Variants in CALCR observed in about 807,000 individuals in gnomAD.
The protein encoded by CALCR is calcitonin receptor.
Under a neutral mutation model 59.5 loss-of-function variants are expected in CALCR, and 47 were observed. That is an observed-to-expected ratio of 0.79 (90% CI 0.63 to 1.01). The LOEUF is 1.01. Ranked by LOEUF, CALCR falls within the 50% of genes least tolerant of loss-of-function variation. The pLI, the probability that CALCR is intolerant of heterozygous loss-of-function variation, is 0.00. For synonymous variants in CALCR, 213 were observed against 211.3 expected (o/e 1.01, Z -0.07); for missense variants, 566 against 597.1 (o/e 0.95, Z 0.54).
chr7:93,500,365 T>C (rs1271227527), intron 2 of CALCR, among the ~76,000 whole-genome samples: 1 of 151,912 alleles, frequency 6.6e-6, no homozygotes, highest in African/African-American at 2.4e-5. Context: ...AGAAAGAAAG[T>C]GCTTAGACTT....
chr7:93,572,794 A>G (rs1386383053), intron 2 of CALCR, among the ~76,000 whole-genome samples: 2 of 152,344 alleles, frequency 1.3e-5, no homozygotes, highest in East Asian at 3.8e-4. Context: ...GAGAATCATG[A>G]AACAAAACAA....
chr7:93,555,390 A>G (rs909676131), intron 2 of CALCR, among the ~76,000 whole-genome samples: 3 of 152,106 alleles, frequency 2.0e-5, no homozygotes, highest in African/African-American at 7.2e-5. Flanking sequence ...TTACTCTCAA[A>G]CTAGCTATGG....
chr7:93,568,019 A>G (rs906399687), intron 2 of CALCR, among the ~76,000 whole-genome samples: 1 of 152,220 alleles, frequency 6.6e-6, no homozygotes. Flanking sequence ...TAAAGAGATT[A>G]AGAAAATTAT....
chr7:93,500,065 T>C (rs941230386), intron 2 of CALCR, among the ~76,000 whole-genome samples: 12 of 151,882 alleles, frequency 7.9e-5, no homozygotes, highest in Admixed American at 3.3e-4. Flanking sequence ...ACTCTATAGA[T>C]GAGCAAAAGA....
intron 2 of CALCR, among the ~76,000 whole-genome samples, chr7:93,551,767 T>G (rs1789467141): frequency 6.6e-6 from 1 of 152,170 alleles, no homozygotes; most frequent in East Asian, 1.9e-4. Context: ...GGAGTCAAAT[T>G]CTGCAGTATT....
In CALCR at chr7:93,494,704, A is replaced by G. The variant is rs184615014; in HGVS notation, c.-26-7697T>C. Among the ~76,000 whole-genome samples the G allele has an allele frequency of 2.6e-4, 39 of 151,504 alleles. No homozygotes were observed. In the East Asian group the frequency reaches 7.4e-3, roughly 29 times the overall value. On this transcript the variant is annotated intron_variant, in intron 2 of 13. Coordinates refer to ENST00000426151, the MANE Select transcript of CALCR (RefSeq NM_001742.4). ...ATGGTTTTTTGAAAAAAAGCACTTT[A>G]TGGTGACTCCTGAGGAGGGGAGAAG...
intron 8 of CALCR, among the ~76,000 whole-genome samples, chr7:93,449,974 T>G (rs1424216729): frequency 6.6e-6 from 1 of 152,022 alleles, no homozygotes; most frequent in East Asian, 1.9e-4. Context: ...CGCTATGGTC[T>G]TCAGACTGGG....
At chr7:93,515,911 T>C (rs561145633) in intron 2 of CALCR, among the ~76,000 whole-genome samples, 1 of 152,116 alleles carries the variant, frequency 6.6e-6, no homozygotes, top group East Asian at 1.9e-4. Flanking sequence ...GACTGATATA[T>C]TGTAAAAATC....
At chr7:93,558,969 A>AT (rs1789675021) in intron 2 of CALCR, among the ~76,000 whole-genome samples, 1 of 152,086 alleles carries the variant, frequency 6.6e-6, no homozygotes, top group Non-Finnish European at 1.5e-5. Flanking sequence ...GGGTGATTCA[A>AT]TTGCTGATTA....
At chr7:93,458,124 C>A (rs1800245421) in intron 8 of CALCR, among the ~76,000 whole-genome samples, 1 of 152,288 alleles carries the variant, frequency 6.6e-6, no homozygotes, top group Non-Finnish European at 1.5e-5. Flanking sequence ...CATTATTCTG[C>A]AGGTAAGACT....
Position 93,488,027 on chromosome 7 carries a change from A to G in CALCR, c.-26-1020T>C, listed in dbSNP as rs113864106. On this transcript the variant is annotated intron_variant, in intron 2 of 13. Transcript: ENST00000426151. The stretch of plus-strand genomic sequence containing the variant: ...CAGAGAGAAAGGCAAAGTAACCTAC[A>G]AAGCAAAGCCCTTCAGACTAACAGA... Among the ~76,000 whole-genome samples, 1,500 of 151,828 alleles carry G rather than the reference A, an allele frequency of 9.9e-3. 10 individuals are homozygous for G. The highest frequency in any genetic ancestry group is 0.017 in the Non-Finnish European group (1,172 of 67,738).
intron 9 of CALCR, among the ~76,000 whole-genome samples, chr7:93,441,321 T>C (rs1799898926): frequency 6.6e-6 from 1 of 152,010 alleles, no homozygotes; most frequent in Non-Finnish European, 1.5e-5. Flanking sequence ...TGTGTGTGTT[T>C]GTGTGTGTGT....
intron 2 of CALCR, among the ~76,000 whole-genome samples, chr7:93,554,057 C>G (rs1394147624): frequency 2.0e-5 from 3 of 152,192 alleles, no homozygotes; most frequent in Admixed American, 2.0e-4. Context: ...TAAACTTTAA[C>G]TGTAAAACTT....
intron 2 of CALCR, among the ~76,000 whole-genome samples, chr7:93,564,410 TCAAA>T (rs1378440127): frequency 1.3e-5 from 2 of 151,942 alleles, no homozygotes; most frequent in Admixed American, 1.3e-4. Flanking sequence ...GAATAAAGAC[TCAAA>T]CACATTTGAT....
At chr7:93,465,141 TAATG>T (rs1800414184) in intron 7 of CALCR, among the ~76,000 whole-genome samples, 1 of 151,966 alleles carries the variant, frequency 6.6e-6, no homozygotes, top group Non-Finnish European at 1.5e-5. Flanking sequence ...AAATAAATGC[TAATG>T]AATGGTCTGT....
intron 8 of CALCR, among the ~76,000 whole-genome samples, chr7:93,460,562 A>ATATAT (rs1305307735): frequency 3.0e-4 from 26 of 85,782 alleles, no homozygotes; most frequent in Admixed American, 1.3e-3. Context: ...TCTAAAAAAA[A>ATATAT]AAAAAAAAAA....
intron 3 of CALCR, among the ~76,000 whole-genome samples, chr7:93,486,414 G>A (rs1800945637): frequency 6.6e-6 from 1 of 151,320 alleles, no homozygotes; most frequent in South Asian, 2.1e-4. Context: ...GAATAATAGT[G>A]GTATATAAAG....
At chr7:93,485,068 TA>T (rs1800911592) in intron 3 of CALCR, among the ~76,000 whole-genome samples, 1 of 151,716 alleles carries the variant, frequency 6.6e-6, no homozygotes, top group African/African-American at 2.4e-5. Flanking sequence ...ACATTGTCAT[TA>T]AAATTTTTTT....
At chr7:93,482,564 C>T (rs759084024) in intron 3 of CALCR, among the ~76,000 whole-genome samples, 25 of 151,730 alleles carry the variant, frequency 1.6e-4, no homozygotes, top group Non-Finnish European at 2.8e-4. Flanking sequence ...TGACAACCAA[C>T]CAAGAGATTT....
Sources: gnomAD v4.1 joint callset for allele counts (sites outside exome capture counted in the v4.1 genomes callset) on GRCh38, gnomAD v4.1.1 for gene constraint, MANE v1.5 for transcripts, NCBI Gene and HGNC (gene_info 2026-07-23, HGNC 2026-07-21) for gene names.